NCAPG: variants seen among roughly 807,000 people sequenced by gnomAD.
NCAPG encodes the protein non-SMC condensin I complex subunit G.
In NCAPG, 69 loss-of-function variants were observed where a neutral mutation model predicts 113.1. The ratio of observed to expected loss-of-function variants is 0.61; its 90% CI spans 0.50 to 0.75. The LOEUF (loss-of-function observed/expected upper bound fraction) is 0.75. Ranked by LOEUF, NCAPG falls within the 30% of genes least tolerant of loss-of-function variation. NCAPG has a pLI of 0.00. For synonymous variants in NCAPG, 370 were observed against 415.8 expected, an observed-to-expected ratio of 0.89 and a Z score of 1.34; for missense variants, 1,058 against 1,177.0, an observed-to-expected ratio of 0.90 and a Z score of 1.48.
chr4:17,815,539 T>A (rs1206523243), intron 5 of NCAPG, among the ~76,000 whole-genome samples, 181 bp downstream of exon 5: 1 of 150,378 alleles, frequency 6.6e-6, no homozygotes. Context: ...ATATATATAT[T>A]TTTGAGACAG....
rs201480010 is a variant in NCAPG at position 17,834,335 on chromosome 4, G to C, written c.1921G>C (p.Ala641Pro). Residue 641 changes from alanine to proline, a missense_variant, in exon 14 of 21, where the codon GCT (alanine) becomes CCT (proline). Transcript: ENST00000251496. ...TGATGATGTCACAATAAAAATAAGTGCTTTAAAGGCAATCTTTGACCAACT... is the reference window on the plus strand; with the variant it reads ...TGATGATGTCACAATAAAAATAAGTCCTTTAAAGGCAATCTTTGACCAACT... ...QIDDVTIKIS[A>P]LKAIFDQLMT... 2 of 1,600,336 alleles carry C rather than the reference G, an allele frequency of 1.2e-6. No homozygotes were observed. Among genetic ancestry groups the C allele is most frequent in the Admixed American group, 1.7e-5 (1 of 58,172 alleles).
Position 17,839,503 on chromosome 4 carries a change from G to A in NCAPG, c.2467-173G>A, listed in dbSNP as rs538327727. Among the ~76,000 whole-genome samples, 3 of 152,232 alleles carry A rather than the reference G, an allele frequency of 2.0e-5. No homozygotes were observed. In the South Asian group the frequency reaches 6.2e-4, roughly 32 times the overall value. ...TATATCACAACATCCACAACAAGAAGTCAAGAAGGGGAGCTTATTTTGGGG... is the reference window on the plus strand; with the variant it reads ...TATATCACAACATCCACAACAAGAAATCAAGAAGGGGAGCTTATTTTGGGG... On this transcript the variant is annotated intron_variant, in intron 16 of 20. Coordinates refer to ENST00000251496, the MANE Select transcript of NCAPG (RefSeq NM_022346.5).
intron 19 of NCAPG, chr4:17,841,987 A>C (rs1164959556): frequency 4.5e-6 from 1 of 222,350 alleles, no homozygotes; most frequent in Non-Finnish European, 9.1e-6. Context: ...GCAATAATAG[A>C]GGTACTTCAT....
intron 15 of NCAPG, 115 bp downstream of exon 15, chr4:17,837,455 A>G: frequency 5.7e-6 from 7 of 1,230,954 alleles, no homozygotes; most frequent in Non-Finnish European, 6.7e-6. Flanking sequence ...TTTAGTAGAT[A>G]AATGATGAAA....
chr4:17,819,376 A>G lies in NCAPG; in HGVS notation c.1118+1288A>G, dbSNP rs112654844. Reference sequence around the variant, plus strand: ...TATGTATATTTTGATAGATATTGGTATGTAGGTTTTTAACTTCAACTTTAT... The same window carrying G: ...TATGTATATTTTGATAGATATTGGTGTGTAGGTTTTTAACTTCAACTTTAT... On this transcript the variant is annotated intron_variant, in intron 7 of 20. Coordinates refer to ENST00000251496, the MANE Select transcript of NCAPG (RefSeq NM_022346.5). 2.7e-3 allele frequency among the ~76,000 whole-genome samples: 404 copies of G among 151,818 alleles called. 4 individuals carry two copies. The highest frequency in any genetic ancestry group is 9.3e-3 in the African/African-American group (387 of 41,438).
chr4:17,842,231 T>C, intron 19 of NCAPG, 79 bp from the exon 20 acceptor site: 1 of 1,222,330 alleles, frequency 8.2e-7, no homozygotes, highest in South Asian at 1.3e-5. Flanking sequence ...AGACAAAGGA[T>C]TTAGTTAGCC....
At chr4:17,837,475 C>T (rs770891988) in intron 15 of NCAPG, 135 bp downstream of exon 15, 129 of 1,223,388 alleles carry the variant, frequency 1.1e-4, no homozygotes, top group Non-Finnish European at 1.3e-4. Context: ...ATGACAAGAA[C>T]GATACAGATT....
intron 11 of NCAPG, 33 bp from the exon 12 acceptor site, chr4:17,828,245 T>C (rs964189860): frequency 6.8e-7 from 1 of 1,476,034 alleles, no homozygotes; most frequent in Non-Finnish European, 9.4e-7. Context: ...GGAGAAGATA[T>C]TACTAATGCT....
intron 11 of NCAPG, among the ~76,000 whole-genome samples, 195 bp downstream of exon 11, chr4:17,825,756 T>C (rs1420841735): frequency 6.6e-6 from 1 of 152,116 alleles, no homozygotes; most frequent in Non-Finnish European, 1.5e-5. Flanking sequence ...ACTTTAATTA[T>C]TGGAGGTAGG....
Position 17,840,590 on chromosome 4 carries a change from A to T in NCAPG, c.2768-17A>T. On this transcript the variant is annotated splice_polypyrimidine_tract_variant and intron_variant, in intron 18 of 20. Transcript: ENST00000251496. ...GAGGTTATCTTATTTATATTGTTGT[A>T]TTATTCCCTTTAATAGAAAAGAATA... 7.4e-7 allele frequency: 1 copy of T among 1,342,938 alleles called. No homozygotes were observed. The allele number at this position is 1,342,938 out of a possible 1,614,324, so 83.2% of individuals were successfully genotyped here.
chr4:17,836,245 G>A (rs907993448), intron 14 of NCAPG, among the ~76,000 whole-genome samples: 2 of 152,022 alleles, frequency 1.3e-5, no homozygotes, highest in Non-Finnish European at 2.9e-5. Context: ...CTGCTTCTTG[G>A]CCATTTGTAT....
Position 17,843,291 on chromosome 4 carries a change from C to T in NCAPG, c.2925-11C>T. On this transcript the variant is annotated splice_polypyrimidine_tract_variant and intron_variant, in intron 20 of 20. Coordinates refer to ENST00000251496, the MANE Select transcript of NCAPG (RefSeq NM_022346.5). ...TGTATCTAAATTCGTGTATTTTCAA[C>T]ATCTATTTAGTGATCATGAAGTTCC... 6.2e-7 allele frequency: 1 copy of T among 1,603,274 alleles called. No homozygotes were observed. The highest frequency in any genetic ancestry group is 8.5e-7 in the Non-Finnish European group (1 of 1,175,040).
intron 7 of NCAPG, among the ~76,000 whole-genome samples, chr4:17,819,516 C>A (rs1721361654): frequency 6.6e-6 from 1 of 152,096 alleles, no homozygotes; most frequent in African/African-American, 2.4e-5. Flanking sequence ...ATTCTCTTGC[C>A]TCAGCCTCCT....
chr4:17,840,861 T>G (rs1451013519), intron 19 of NCAPG, among the ~76,000 whole-genome samples, 168 bp downstream of exon 19: 1 of 152,054 alleles, frequency 6.6e-6, no homozygotes, highest in African/African-American at 2.4e-5. Context: ...ATGTCAGTTT[T>G]TGCCTTGTGT....
chr4:17,820,506 G>T (rs1321929952), intron 7 of NCAPG, among the ~76,000 whole-genome samples: 1 of 152,086 alleles, frequency 6.6e-6, no homozygotes, highest in Non-Finnish European at 1.5e-5. Flanking sequence ...GGAGGCTGAG[G>T]TAGGAGAATA....
At chr4:17,837,475 C>A in intron 15 of NCAPG, 135 bp downstream of exon 15, 1 of 1,223,386 alleles carries the variant, frequency 8.2e-7, no homozygotes, top group Non-Finnish European at 1.1e-6. Flanking sequence ...ATGACAAGAA[C>A]GATACAGATT....
rs1560223408 is a variant in NCAPG at position 17,818,028 on chromosome 4, G to A, written c.1058G>A (p.Gly353Asp). The change falls in exon 7 of 21, where the codon GGT becomes GAT. Residue 353 changes from glycine to aspartate, a missense_variant. Coordinates refer to ENST00000251496, the MANE Select transcript of NCAPG (RefSeq NM_022346.5). ...TATTTGAAATCAAAAGGAGATGAAG[G>A]TGAAGAATTTTTAGAGCAGATTTTG... Reference protein sequence around the residue: ...CEYLKSKGDEGEEFLEQILPE... With the variant: ...CEYLKSKGDEDEEFLEQILPE... 1.9e-6 allele frequency: 3 copies of A among 1,613,506 alleles called. No homozygotes were observed. The highest frequency in any genetic ancestry group is 1.7e-6 in the Non-Finnish European group (2 of 1,179,768).
chr4:17,827,897 C>T (rs1721715253), intron 11 of NCAPG, among the ~76,000 whole-genome samples: 1 of 151,652 alleles, frequency 6.6e-6, no homozygotes, highest in South Asian at 2.1e-4. Context: ...CCTCCACCTC[C>T]CGTGTTCAAG....
chr4:17,830,228 CA>C (rs1263329017), intron 12 of NCAPG, among the ~76,000 whole-genome samples: 1 of 151,486 alleles, frequency 6.6e-6, no homozygotes, highest in African/African-American at 2.4e-5. Flanking sequence ...CCCATCTCTG[CA>C]AAAAAATAGA....
Sources: allele counts gnomAD v4.1 joint callset (sites outside exome capture counted in the v4.1 genomes callset), GRCh38; gene constraint gnomAD v4.1.1; transcripts MANE v1.5; gene names NCBI Gene and HGNC (gene_info 2026-07-23, HGNC 2026-07-21).